GCKR: variants seen among roughly 807,000 people sequenced by gnomAD.
GCKR encodes glucokinase regulator, also known as glucokinase regulatory protein.
In GCKR, 73 loss-of-function variants were observed where a neutral mutation model predicts 82.9. The ratio of observed to expected loss-of-function variants is 0.88; its 90% CI spans 0.73 to 1.07. The LOEUF (loss-of-function observed/expected upper bound fraction) is 1.07, where lower values mean the gene tolerates loss of function less well. Among genes scored for constraint, GCKR ranks in the 50% least tolerant of loss-of-function variants. The pLI is 0.00. For synonymous variants in GCKR, 294 were observed against 291.8 expected (o/e 1.01, Z -0.08); for missense variants, 784 against 782.1 (o/e 1.00, Z -0.03).
In GCKR at chr2:27,497,675, C is replaced by T. The variant is rs75980534; in HGVS notation, c.285+45C>T. The T allele has an allele frequency of 1.8e-3, 2,196 of 1,188,242 alleles. 40 individuals carry two copies. The highest frequency in any genetic ancestry group is 1.2e-4 in the Non-Finnish European group (94 of 791,380). 73.6% of individuals were successfully genotyped at this position (1,188,242 alleles called of 1,614,324 possible). On this transcript the variant is annotated intron_variant, in intron 3 of 18. Transcript: ENST00000264717. ...TCCCTGCCTAAACTTTTCTGTTTCC[C>T]TCTTTCTCTTTTTACTGTCTCTATT... is the stretch of plus-strand genomic sequence containing the variant.
intron 17 of GCKR, 123 bp downstream of exon 17, chr2:27,519,060 T>C (rs1670085528): frequency 2.5e-6 from 2 of 811,474 alleles, no homozygotes; most frequent in African/African-American, 1.7e-5. Context: ...TGTGTGCTTC[T>C]GCTCCTCCTA....
intron 16 of GCKR, chr2:27,509,882 T>C (rs1669840361): frequency 6.5e-6 from 1 of 152,736 alleles, no homozygotes; most frequent in African/African-American, 2.4e-5. Context: ...ATACTTGATA[T>C]GCTGTTTTAA....
In GCKR at chr2:27,505,709, C is replaced by T. The variant is rs749769068; in HGVS notation, c.751-9C>T. 3.0e-5 allele frequency: 45 copies of T among 1,522,386 alleles called. 1 individual carries two copies. Among genetic ancestry groups the T allele is most frequent in the Non-Finnish European group, 1.6e-5 (18 of 1,097,368 alleles). 94.3% of individuals were successfully genotyped at this position (1,522,386 alleles called of 1,614,324 possible). Reference sequence around the variant, plus strand: ...TCCCAATTCCTCTTGGGTGTCTTCACCTCTTCAGCCCGAGGGTCTCAGCGG... The same window carrying T: ...TCCCAATTCCTCTTGGGTGTCTTCATCTCTTCAGCCCGAGGGTCTCAGCGG... On this transcript the variant is annotated splice_polypyrimidine_tract_variant and intron_variant, in intron 9 of 18. Coordinates refer to ENST00000264717, the MANE Select transcript of GCKR (RefSeq NM_001486.4).
chr2:27,502,897 C>T (rs1466718495), intron 8 of GCKR, among the ~76,000 whole-genome samples: 1 of 152,220 alleles, frequency 6.6e-6, no homozygotes, highest in Non-Finnish European at 1.5e-5. Flanking sequence ...AGAAGATCGT[C>T]ATTCTTTGAG....
chr2:27,505,622 C>G (rs1416788538), intron 9 of GCKR, 96 bp from the exon 10 acceptor site: 2 of 748,980 alleles, frequency 2.7e-6, no homozygotes, highest in Non-Finnish European at 5.0e-6. Flanking sequence ...CTGGGGGCCA[C>G]TGGTACTATC....
chr2:27,497,842 T>C (rs1234710678), intron 3 of GCKR, among the ~76,000 whole-genome samples: 1 of 152,210 alleles, frequency 6.6e-6, no homozygotes, highest in Admixed American at 6.5e-5. Context: ...TCACACCTAT[T>C]ACCCTCACAA....
At position 27,513,161 on chromosome 2, in the gene GCKR, A is replaced by G. The variant is rs757901500; in HGVS notation, c.1422+4910A>G. The stretch of plus-strand genomic sequence containing the variant: ...ATTCTTGGTTGAATTAATTATTACT[A>G]TGGTAGTTTTTCAATGGTGATTTTC... On this transcript the variant is annotated intron_variant, in intron 16 of 18. Coordinates refer to ENST00000264717, the MANE Select transcript of GCKR (RefSeq NM_001486.4). Among the ~76,000 whole-genome samples, 5 of 152,236 alleles carry G rather than the reference A, an allele frequency of 3.3e-5. No individual in the cohort carries two copies. In the East Asian group the frequency reaches 5.8e-4, roughly 18 times the overall value.
At chr2:27,508,143 C>G in intron 15 of GCKR, 25 bp from the exon 16 acceptor site, 1 of 1,594,220 alleles carries the variant, frequency 6.3e-7, no homozygotes, top group Non-Finnish European at 8.6e-7. Context: ...AGATGCCTCT[C>G]CTGCTCCTCT....
Position 27,523,663 on chromosome 2 carries a change from A to C in GCKR, c.*224A>C. 3.5e-6 allele frequency: 2 copies of C among 568,912 alleles called. No homozygotes were observed. The highest frequency in any genetic ancestry group is 6.0e-5 in the East Asian group (2 of 33,152). The allele number at this position is 568,912 out of a possible 1,614,324, so 35.2% of individuals were successfully genotyped here. A position where few individuals can be genotyped will look rare whatever the true frequency, so the allele number is the denominator to read the frequency against. ...GACTTATTCTGATTTCAGAAATAAA[A>C]TGAAATGTCTTATTTTGGAAAGTTA... On this transcript the variant is annotated 3_prime_UTR_variant, in exon 19 of 19. Coordinates refer to ENST00000264717, the MANE Select transcript of GCKR (RefSeq NM_001486.4).
rs548684080 is a variant in GCKR at position 27,505,373 on chromosome 2, G to A, written c.751-345G>A. Among the ~76,000 whole-genome samples the A allele has an allele frequency of 3.4e-5, 5 of 145,620 alleles. No homozygotes were observed. The East Asian group carries it at 8.0e-4, about 23-fold the overall frequency. On this transcript the variant is annotated intron_variant, in intron 9 of 18. Transcript: ENST00000264717. ...ATCCTGCCACTGCACTCCAGCCTGG[G>A]TGACAGGGTGACAGAGCAAGACTCC... is the stretch of plus-strand genomic sequence containing the variant.
intron 7 of GCKR, 80 bp downstream of exon 7, chr2:27,499,530 A>G (rs1269071479): frequency 4.9e-6 from 5 of 1,024,934 alleles, no homozygotes; most frequent in Non-Finnish European, 7.8e-6. Flanking sequence ...AAGATAGATC[A>G]ATGAGATCGG....
intron 16 of GCKR, among the ~76,000 whole-genome samples, chr2:27,517,533 GC>G (rs1485231345): frequency 5.3e-5 from 8 of 152,092 alleles, no homozygotes; most frequent in African/African-American, 2.4e-5. Context: ...AACGCCCCCT[GC>G]CCCCCATGAT....
chr2:27,522,505 C>T lies in GCKR; in HGVS notation c.1618C>T (p.Arg540Ter), dbSNP rs146053779. ...GGCTCGATGCATCGAGAGCCTCCTC[C>T]GAGCGATCCACTTTCCCCAGCCACT... ...SKARCIESLL[R>*]AIHFPQPLSD... Residue 540 changes from arginine to a stop codon, truncating the protein, a stop_gained, in exon 18 of 19, where the codon CGA becomes TGA. Transcript: ENST00000264717. LOFTEE classifies it high-confidence loss of function. 1.3e-3 allele frequency: 2,095 copies of T among 1,613,590 alleles called. 2 individuals are homozygous for T. Among genetic ancestry groups the T allele is most frequent in the Admixed American group, 2.8e-3 (168 of 60,024 alleles).
rs1254158600 is a variant in GCKR, at chr2:27,496,939, A to AGACCCC, written c.37_42dup (p.Thr13_Pro14dup). On this transcript the variant is annotated inframe_insertion, in exon 1 of 19. Coordinates refer to ENST00000264717, the MANE Select transcript of GCKR (RefSeq NM_001486.4). ...ACAAAACGGTTTCAACATGTCATTG[A>AGACCCC]GACCCCGGAGCCTGGCAAGTGGGAG... 1 of 1,613,682 alleles carries AGACCCC rather than the reference A, an allele frequency of 6.2e-7. No individual in the cohort carries two copies. The highest frequency in any genetic ancestry group is 1.3e-5 in the African/African-American group (1 of 74,908).
Position 27,507,999 on chromosome 2 carries a change from T to C in GCKR, c.1263T>C (p.Thr421=). ...TLDDNLTEVQ[T]IVEQVKEKTN... is the part of the protein sequence containing the mutation. ...TAGACAACCTCACGGAGGTGCAGAC[T>C]ATAGTGGAGCAGGTGAAAGAGAAGA... The change falls in exon 15 of 19, where the codon ACT becomes ACC. Residue 421 remains threonine, a synonymous_variant. Transcript: ENST00000264717. 2 of 1,613,290 alleles carry C rather than the reference T, an allele frequency of 1.2e-6. No homozygotes were observed. The highest frequency in any genetic ancestry group is 1.7e-6 in the Non-Finnish European group (2 of 1,179,288).
chr2:27,501,566 G>T, intron 8 of GCKR: 1 of 408,022 alleles, frequency 2.5e-6, no homozygotes, highest in Non-Finnish European at 4.8e-6. Flanking sequence ...ATAAAGATTT[G>T]TGCTTTCATA....
At chr2:27,511,639 A>C (rs1486405271) in intron 16 of GCKR, among the ~76,000 whole-genome samples, 1 of 151,920 alleles carries the variant, frequency 6.6e-6, no homozygotes, top group Non-Finnish European at 1.5e-5. Flanking sequence ...CTGAGAACGC[A>C]CCATTGCACT....
chr2:27,497,538 C>T lies in GCKR; in HGVS notation c.217-24C>T, dbSNP rs751803142. 1.9e-6 allele frequency: 3 copies of T among 1,599,300 alleles called. No homozygotes were observed. The Admixed American group carries it at 5.0e-5, about 27-fold the overall frequency. On this transcript the variant is annotated intron_variant, in intron 2 of 18. Transcript: ENST00000264717. ...TTCATCGTCCTCCTTTTCTTGGCTT[C>T]TCATTCCTGCATATTCCCTACAGAG...
chr2:27,508,083 C>G lies in GCKR; in HGVS notation c.1338+9C>G. The G allele has an allele frequency of 1.2e-6, 2 of 1,607,338 alleles. No homozygotes were observed. Among genetic ancestry groups the G allele is most frequent in the Middle Eastern group, 1.7e-4 (1 of 6,056 alleles). On this transcript the variant is annotated intron_variant, in intron 15 of 18. Coordinates refer to ENST00000264717, the MANE Select transcript of GCKR (RefSeq NM_001486.4). ...TGGGTCAGACCTTGCTGGTGAGAGTCCAGCCGTGACAAAGGGACCCAGGTG... is the reference window on the plus strand; with the variant it reads ...TGGGTCAGACCTTGCTGGTGAGAGTGCAGCCGTGACAAAGGGACCCAGGTG...
Sources: gnomAD v4.1 joint callset for allele counts (sites outside exome capture counted in the v4.1 genomes callset) on GRCh38, gnomAD v4.1.1 for gene constraint, MANE v1.5 for transcripts, NCBI Gene and HGNC (gene_info 2026-07-23, HGNC 2026-07-21) for gene names.